Variants in BABAM2 observed in about 807,000 individuals in gnomAD.
The protein encoded by BABAM2 is BRISC and BRCA1-A complex member 2.
BABAM2 carries 31 observed loss-of-function variants against 54.7 expected under a neutral mutation model. That is an observed-to-expected ratio of 0.57 (90% CI 0.43 to 0.77). The LOEUF is 0.77. BABAM2 is among the 30% of genes least tolerant of loss of function. BABAM2 has a pLI of 0.00. For synonymous variants in BABAM2, 167 were observed against 162.9 expected, an observed-to-expected ratio of 1.03 and a Z score of -0.19; for missense variants, 364 against 455.8, an observed-to-expected ratio of 0.80 and a Z score of 1.83.
At chr2:27,927,681 T>G (rs1415564879) in intron 2 of BABAM2, among the ~76,000 whole-genome samples, 7 of 152,178 alleles carry the variant, frequency 4.6e-5, no homozygotes, top group Admixed American at 3.3e-4. Flanking sequence ...TGAGAAAGTA[T>G]TCTTAAAACC....
At chr2:27,900,143 T>C (rs751810122) in intron 2 of BABAM2, among the ~76,000 whole-genome samples, 39 of 152,202 alleles carry the variant, frequency 2.6e-4, no homozygotes, top group Non-Finnish European at 5.0e-4. Context: ...GACACAGTTA[T>C]GAGTGGTAGG....
intron 2 of BABAM2, among the ~76,000 whole-genome samples, chr2:27,911,832 T>G (rs952322253): frequency 6.6e-6 from 1 of 152,146 alleles, no homozygotes; most frequent in African/African-American, 2.4e-5. Context: ...TTGAAACAAA[T>G]CTAATAATAA....
chr2:28,038,615 T>A (rs1676839198), intron 5 of BABAM2, among the ~76,000 whole-genome samples: 1 of 152,218 alleles, frequency 6.6e-6, no homozygotes, highest in African/African-American at 2.4e-5. Context: ...CTCCCACTTA[T>A]AAGTGAGAAC....
intron 7 of BABAM2, among the ~76,000 whole-genome samples, chr2:28,216,554 C>T (rs1035671009): frequency 6.6e-6 from 1 of 152,148 alleles, no homozygotes; most frequent in Non-Finnish European, 1.5e-5. Context: ...ACCTATTGAT[C>T]TGAAGTTCAG....
At chr2:28,042,344 C>A (rs111538382) in intron 5 of BABAM2, among the ~76,000 whole-genome samples, 18 of 152,152 alleles carry the variant, frequency 1.2e-4, no homozygotes, top group African/African-American at 4.1e-4. Context: ...ATCATCTGGG[C>A]ATGTAAATAA....
At chr2:28,248,944 A>G (rs1010249438) in intron 10 of BABAM2, among the ~76,000 whole-genome samples, 10 of 152,178 alleles carry the variant, frequency 6.6e-5, no homozygotes, top group African/African-American at 2.2e-4. Context: ...GGATATAAGT[A>G]TATAACTCAG....
intron 11 of BABAM2, among the ~76,000 whole-genome samples, chr2:28,335,418 C>T (rs957503472): frequency 6.6e-6 from 1 of 152,198 alleles, no homozygotes; most frequent in Non-Finnish European, 1.5e-5. Context: ...GATACACCCG[C>T]CTCGGCCTCC....
intron 6 of BABAM2, among the ~76,000 whole-genome samples, chr2:28,124,388 A>C (rs1335288027): frequency 6.6e-6 from 1 of 152,198 alleles, no homozygotes; most frequent in South Asian, 2.1e-4. Context: ...ACAGAAAAGA[A>C]AGTTCAAGGT....
At chr2:27,911,939 A>T (rs1402102333) in intron 2 of BABAM2, among the ~76,000 whole-genome samples, 1 of 152,138 alleles carries the variant, frequency 6.6e-6, no homozygotes, top group Non-Finnish European at 1.5e-5. Context: ...AACCTACACC[A>T]CTACTTTGCC....
chr2:27,912,314 T>C (rs1435368882), intron 2 of BABAM2, among the ~76,000 whole-genome samples: 4 of 152,130 alleles, frequency 2.6e-5, no homozygotes, highest in Non-Finnish European at 4.4e-5. Flanking sequence ...AAATCTTAAC[T>C]AAAACTAGTG....
chr2:28,115,225 A>AC (rs1322135797), intron 6 of BABAM2, among the ~76,000 whole-genome samples: 19 of 148,828 alleles, frequency 1.3e-4, no homozygotes, highest in African/African-American at 4.5e-4. Flanking sequence ...ACACACACAC[A>AC]AACCAATCAA....
chr2:28,242,045 G>A (rs766981091), intron 9 of BABAM2, among the ~76,000 whole-genome samples: 37 of 151,860 alleles, frequency 2.4e-4, no homozygotes, highest in Non-Finnish European at 4.6e-4. Flanking sequence ...GTAGCCATGG[G>A]GTGAACCAGG....
chr2:28,001,535 G>A (rs1673576107), intron 4 of BABAM2, among the ~76,000 whole-genome samples: 2 of 152,162 alleles, frequency 1.3e-5, no homozygotes, highest in African/African-American at 2.4e-5. Flanking sequence ...GTGATACAAG[G>A]TAGAAAAGAA....
intron 11 of BABAM2, among the ~76,000 whole-genome samples, chr2:28,310,674 A>C (rs1377362575): frequency 6.6e-6 from 1 of 150,480 alleles, no homozygotes; most frequent in Non-Finnish European, 1.5e-5. Context: ...ACCTGAGGTC[A>C]GGAATTCAAG....
intron 6 of BABAM2, among the ~76,000 whole-genome samples, chr2:28,050,055 C>T (rs1408422850): frequency 6.6e-6 from 1 of 152,150 alleles, no homozygotes; most frequent in African/African-American, 2.4e-5. Flanking sequence ...CTGGAGTGAA[C>T]TAGCATGTAT....
intron 5 of BABAM2, among the ~76,000 whole-genome samples, chr2:28,038,418 AG>A (rs1676821302): frequency 1.3e-5 from 2 of 152,184 alleles, no homozygotes; most frequent in Admixed American, 6.5e-5. Flanking sequence ...GTACACGTAC[AG>A]GGTTATTACA....
intron 2 of BABAM2, among the ~76,000 whole-genome samples, chr2:27,916,900 T>G (rs1188503275): frequency 6.6e-6 from 1 of 152,244 alleles, no homozygotes; most frequent in Non-Finnish European, 1.5e-5. Context: ...TTGTCTTGAC[T>G]TGTTATTTAA....
intron 5 of BABAM2, 191 bp downstream of exon 5, chr2:28,025,611 C>G (rs1235711066): frequency 3.8e-6 from 2 of 530,522 alleles, no homozygotes; most frequent in Non-Finnish European, 6.0e-6. Flanking sequence ...AAAGATATTA[C>G]CTGGGAAGTT....
intron 4 of BABAM2, among the ~76,000 whole-genome samples, chr2:28,008,376 G>C (rs1351874904): frequency 6.6e-6 from 1 of 152,118 alleles, no homozygotes; most frequent in African/African-American, 2.4e-5. Context: ...ACTTGTAGCA[G>C]GGGCTACGAA....
Sources: allele counts gnomAD v4.1 joint callset (sites outside exome capture counted in the v4.1 genomes callset), GRCh38; gene constraint gnomAD v4.1.1; transcripts MANE v1.5; gene names NCBI Gene and HGNC (gene_info 2026-07-23, HGNC 2026-07-21).